Variants in DLG2 observed in about 807,000 individuals in gnomAD.
DLG2 encodes the protein disks large homolog 2.
In DLG2, 45 loss-of-function variants were observed where a neutral mutation model predicts 132.5. The ratio of observed to expected loss-of-function variants is 0.34; its 90% CI spans 0.27 to 0.44. The LOEUF (loss-of-function observed/expected upper bound fraction) is 0.44. Among genes scored for constraint, DLG2 ranks in the 20% least tolerant of loss-of-function variants. DLG2 has a pLI of 1.00. For synonymous variants in DLG2, 424 were observed against 419.6 expected (o/e 1.01, Z -0.13); for missense variants, 1,045 against 1,196.9 (o/e 0.87, Z 1.87).
chr11:85,510,309 G>A (rs1164864523), intron 3 of DLG2, among the ~76,000 whole-genome samples: 2 of 152,000 alleles, frequency 1.3e-5, no homozygotes, highest in African/African-American at 4.8e-5. Context: ...CTTAGGCATG[G>A]GCAAGGACTT....
At chr11:83,513,383 T>C (rs2095141227) in intron 21 of DLG2, among the ~76,000 whole-genome samples, 2 of 152,244 alleles carry the variant, frequency 1.3e-5, no homozygotes, top group Admixed American at 6.5e-5. Context: ...TTGTTTGTTT[T>C]ATTCTTGTAA....
At chr11:85,541,678 GAAAATTACTTCTAAGGATT>G (rs1448649112) in intron 3 of DLG2, among the ~76,000 whole-genome samples, 1 of 151,916 alleles carries the variant, frequency 6.6e-6, no homozygotes, top group Non-Finnish European at 1.5e-5. Context: ...TGAAGTCATA[GAAAATTACTTCTAAGGATT>G]AAAATTTTGA....
chr11:83,906,880 AG>A (rs2154106274), intron 15 of DLG2, among the ~76,000 whole-genome samples: 1 of 152,338 alleles, frequency 6.6e-6, no homozygotes, highest in East Asian at 1.9e-4. Flanking sequence ...TCCTTCTGCA[AG>A]GGACTTTCAA....
intron 19 of DLG2, among the ~76,000 whole-genome samples, chr11:83,627,693 T>C (rs1266809324): frequency 1.3e-5 from 2 of 152,236 alleles, no homozygotes; most frequent in African/African-American, 2.4e-5. Flanking sequence ...TGTGTCTTTA[T>C]AGCAGCATGA....
At chr11:85,353,627 G>A (rs1309832523) in intron 3 of DLG2, among the ~76,000 whole-genome samples, 3 of 152,140 alleles carry the variant, frequency 2.0e-5, no homozygotes, top group Non-Finnish European at 4.4e-5. Context: ...AGAAAATGTG[G>A]CACATATACA....
At chr11:83,601,698 C>CTT (rs112574269) in intron 19 of DLG2, among the ~76,000 whole-genome samples, 3 of 144,024 alleles carry the variant, frequency 2.1e-5, no homozygotes, top group African/African-American at 7.6e-5. Context: ...ATATTTCTTT[C>CTT]TTTTTTTTTT....
At chr11:84,505,163 A>G (rs759556102) in intron 7 of DLG2, among the ~76,000 whole-genome samples, 3 of 152,126 alleles carry the variant, frequency 2.0e-5, no homozygotes, top group Non-Finnish European at 4.4e-5. Flanking sequence ...TATTTATTTC[A>G]AACAATCAGT....
chr11:85,336,572 G>C (rs2152849955), intron 3 of DLG2: 1 of 159,430 alleles, frequency 6.3e-6, no homozygotes, highest in East Asian at 1.8e-4. Context: ...TCTCCACCAT[G>C]ACTGGCATCA....
chr11:84,417,572 C>T (rs752575803), intron 7 of DLG2, among the ~76,000 whole-genome samples: 10 of 152,108 alleles, frequency 6.6e-5, no homozygotes, highest in South Asian at 2.1e-4. Flanking sequence ...TTGATGACTT[C>T]GTCTGAGTCT....
rs576191215 is a variant in DLG2 at position 85,215,172 on chromosome 11, CAT to C, written c.187-60523_187-60522del. 1.1e-3 allele frequency among the ~76,000 whole-genome samples: 169 copies of C among 152,280 alleles called. 1 individual carries two copies. Among genetic ancestry groups the C allele is most frequent in the African/African-American group, 3.9e-3 (164 of 41,568 alleles). On this transcript the variant is annotated intron_variant, in intron 4 of 27. Transcript: ENST00000376104. ...AGTTCATAATTTAAGCCTGCTAAAA[CAT>C]GTGTGTATTTTCAGAATGAGAGGAG...
chr11:85,145,659 G>A (rs555791538), intron 5 of DLG2, among the ~76,000 whole-genome samples: 2 of 152,048 alleles, frequency 1.3e-5, no homozygotes, highest in African/African-American at 4.8e-5. Context: ...TTCAGCTGCA[G>A]AACTTCTGCT....
intron 16 of DLG2, among the ~76,000 whole-genome samples, chr11:83,858,235 T>C (rs927637625): frequency 6.6e-6 from 1 of 152,160 alleles, no homozygotes; most frequent in Non-Finnish European, 1.5e-5. Flanking sequence ...GAAGGAATTC[T>C]TGCTGTCAGA....
At chr11:85,031,878 G>A (rs1355565577) in intron 6 of DLG2, among the ~76,000 whole-genome samples, 1 of 151,180 alleles carries the variant, frequency 6.6e-6, no homozygotes, top group Non-Finnish European at 1.5e-5. Flanking sequence ...CAGCCTCCTG[G>A]GTTCAAGCAA....
intron 8 of DLG2, among the ~76,000 whole-genome samples, chr11:84,164,187 A>G (rs1297144643): frequency 6.6e-6 from 1 of 152,224 alleles, no homozygotes; most frequent in Non-Finnish European, 1.5e-5. Flanking sequence ...ATTTACAGAG[A>G]GAAATACATT....
Position 85,533,458 on chromosome 11 carries a change from CAT to C in DLG2, c.40+65197_40+65198del, listed in dbSNP as rs34379979. On this transcript the variant is annotated intron_variant, in intron 3 of 27. Coordinates refer to ENST00000376104, the MANE Select transcript of DLG2 (RefSeq NM_001142699.3). ...GAAATACATATATATACATAAAATA[CAT>C]ATATATATATATATATAATTCTTTT... 2.2e-3 allele frequency among the ~76,000 whole-genome samples: 310 copies of C among 142,110 alleles called. 1 individual carries two copies. The highest frequency in any genetic ancestry group is 9.0e-3 in the South Asian group (41 of 4,534). The allele number at this position is 142,110 out of a possible 152,430, so 93.2% of individuals were successfully genotyped here.
At chr11:83,933,081 T>C (rs2154132403) in intron 14 of DLG2, among the ~76,000 whole-genome samples, 1 of 152,306 alleles carries the variant, frequency 6.6e-6, no homozygotes, top group South Asian at 2.1e-4. Flanking sequence ...TGCAGTTATA[T>C]TCTGTGTGAC....
At chr11:85,377,803 A>ATATATATATG (rs35141583) in intron 3 of DLG2, among the ~76,000 whole-genome samples, 2,511 of 131,180 alleles carry the variant, frequency 0.019, 32 homozygotes, top group Middle Eastern at 0.023. Context: ...ATATATATAT[A>ATATATATATG]TGTGTGTGTG....
intron 6 of DLG2, among the ~76,000 whole-genome samples, chr11:85,064,511 T>A (rs956186467): frequency 6.6e-6 from 1 of 151,702 alleles, no homozygotes; most frequent in Non-Finnish European, 1.5e-5. Flanking sequence ...CAATCTAATA[T>A]ACAGTATAAC....
intron 8 of DLG2, among the ~76,000 whole-genome samples, chr11:84,181,191 T>TA (rs1369165644): frequency 3.3e-5 from 5 of 151,698 alleles, no homozygotes; most frequent in African/African-American, 1.2e-4. Flanking sequence ...ATAAGTGAAA[T>TA]GAATAATACA....
Sources: gnomAD v4.1 joint callset for allele counts (sites outside exome capture counted in the v4.1 genomes callset) on GRCh38, gnomAD v4.1.1 for gene constraint, MANE v1.5 for transcripts, NCBI Gene and HGNC (gene_info 2026-07-23, HGNC 2026-07-21) for gene names.